The following TP53BP1 variants were observed in gnomAD, a reference collection of about 807,000 sequenced individuals.
The protein encoded by TP53BP1 is TP53-binding protein 1.
Under a neutral mutation model 200.8 loss-of-function variants are expected in TP53BP1, and 61 were observed. The ratio of observed to expected loss-of-function variants is 0.30; its 90% CI spans 0.25 to 0.38. The LOEUF is 0.38. Among genes scored for constraint, TP53BP1 ranks in the 10% least tolerant of loss-of-function variants. The pLI is 1.00. For synonymous variants in TP53BP1, 822 were observed against 844.3 expected (o/e 0.97, Z 0.46); for missense variants, 2,144 against 2,371.9 (o/e 0.90, Z 2.00).
intron 1 of TP53BP1, among the ~76,000 whole-genome samples, chr15:43,509,743 T>C (rs934617946): frequency 5.9e-5 from 9 of 152,028 alleles, no homozygotes; most frequent in Non-Finnish European, 1.3e-4. Context: ...CACTGCCCAA[T>C]CAGAACGTGG....
chr15:43,506,485 A>G (rs975450939), intron 1 of TP53BP1, among the ~76,000 whole-genome samples: 3 of 152,216 alleles, frequency 2.0e-5, no homozygotes, highest in African/African-American at 7.2e-5. Flanking sequence ...AACCAAGGAA[A>G]CAGCCTATAA....
Position 43,407,590 on chromosome 15 carries a change from G to T in TP53BP1, c.5747-20C>A. The T allele has an allele frequency of 1.3e-6, 2 of 1,598,348 alleles. No homozygotes were observed. Among genetic ancestry groups the T allele is most frequent in the Non-Finnish European group, 1.7e-6 (2 of 1,170,098 alleles). ...CAATATCTGCAAGGAGCAAGGGAAA[G>T]TGAAGAAGGAAAGGACACTCAACTT... On this transcript the variant is annotated intron_variant, in intron 27 of 27. Coordinates refer to ENST00000382044, the MANE Select transcript of TP53BP1 (RefSeq NM_001141980.3).
chr15:43,477,722 C>A lies in TP53BP1; in HGVS notation c.826G>T (p.Ala276Ser), dbSNP rs752763792. 29 of 1,611,922 alleles carry A rather than the reference C, an allele frequency of 1.8e-5. No individual in the cohort carries two copies. Among genetic ancestry groups the A allele is most frequent in the Non-Finnish European group, 2.5e-5 (29 of 1,179,250 alleles). Residue 276 changes from alanine (A) to serine (S), a missense_variant, in exon 8 of 28, where the codon GCT becomes TCT. Coordinates refer to ENST00000382044, the MANE Select transcript of TP53BP1 (RefSeq NM_001141980.3). ...AACTGTTCTTTTGCTTCCATAGCAG[C>A]AACAGATGCTTTGGGGCTAAAAGGC... is the stretch of plus-strand genomic sequence containing the variant. ...DMPFSPKASV[A>S]AMEAKEQLSA... is the part of the protein sequence containing the mutation.
upstream of TP53BP1, among the ~76,000 whole-genome samples, chr15:43,494,764 A>T (rs2079170705): frequency 2.0e-5 from 3 of 152,178 alleles, no homozygotes; most frequent in South Asian, 6.2e-4. Flanking sequence ...GTAAATCATG[A>T]CCTTGAGTCC....
chr15:43,441,607 G>C, intron 14 of TP53BP1, 24 bp from the exon 15 acceptor site: 1 of 1,571,516 alleles, frequency 6.4e-7, no homozygotes, highest in Non-Finnish European at 8.8e-7. Context: ...AAACCAAGGA[G>C]AGAAAGGAAA....
intron 20 of TP53BP1, 26 bp from the exon 21 acceptor site, chr15:43,420,761 A>C (rs763765533): frequency 1.3e-6 from 2 of 1,589,846 alleles, no homozygotes; most frequent in Non-Finnish European, 1.7e-6. Flanking sequence ...GGATAGGAGA[A>C]GCCGGTGAGA....
intron 16 of TP53BP1, among the ~76,000 whole-genome samples, chr15:43,433,670 A>G (rs1026431160): frequency 1.3e-5 from 2 of 152,254 alleles, no homozygotes; most frequent in African/African-American, 4.8e-5. Context: ...TAGCCAGAAT[A>G]AAAATAAAAG....
intron 12 of TP53BP1, among the ~76,000 whole-genome samples, chr15:43,452,077 G>T (rs2046183011): frequency 6.6e-6 from 1 of 152,254 alleles, no homozygotes; most frequent in Non-Finnish European, 1.5e-5. Flanking sequence ...GGAGGTTGCA[G>T]TGAGCCGAGA....
intron 4 of TP53BP1, among the ~76,000 whole-genome samples, chr15:43,488,975 A>G (rs1307566209): frequency 6.6e-6 from 1 of 152,216 alleles, no homozygotes; most frequent in African/African-American, 2.4e-5. Flanking sequence ...CTATGCACAC[A>G]CAGTTCATTC....
Position 43,475,625 on chromosome 15 carries a change from G to T in TP53BP1, c.1025C>A (p.Thr342Asn), listed in dbSNP as rs1432711226. The T allele has an allele frequency of 6.2e-7, 1 of 1,614,092 alleles. No individual in the cohort carries two copies. Among genetic ancestry groups the T allele is most frequent in the Non-Finnish European group, 8.5e-7 (1 of 1,180,028 alleles). ...AGAGAGCTGCAGGAGATGCAGAGTG[G>T]TGGCAGGAGTGGAAGCCAAAGAACA... ...GGCSLASTPA[T>N]TLHLLQLSGQ... The change falls in exon 9 of 28, where the codon ACC (threonine) becomes AAC (asparagine). Residue 342 changes from threonine to asparagine, a missense_variant. By Grantham distance (65) the Thr-to-Asn change is moderately conservative (BLOSUM62 0). Coordinates refer to ENST00000382044, the MANE Select transcript of TP53BP1 (RefSeq NM_001141980.3).
chr15:43,435,855 C>T (rs1306188833), intron 16 of TP53BP1, among the ~76,000 whole-genome samples: 1 of 152,058 alleles, frequency 6.6e-6, no homozygotes, highest in Non-Finnish European at 1.5e-5. Context: ...ACGACCCTGC[C>T]TGGCTAATTT....
At chr15:43,484,819 T>C (rs975809318) in intron 4 of TP53BP1, among the ~76,000 whole-genome samples, 1 of 151,922 alleles carries the variant, frequency 6.6e-6, no homozygotes, top group Non-Finnish European at 1.5e-5. Context: ...GAAGCAATCA[T>C]GGCTCACTGC....
intron 8 of TP53BP1, among the ~76,000 whole-genome samples, chr15:43,476,945 A>G (rs2078891442): frequency 1.3e-5 from 2 of 152,238 alleles, no homozygotes; most frequent in African/African-American, 4.8e-5. Context: ...TGTTACCCAG[A>G]TGAATATGAA....
chr15:43,501,078 TAAAAC>T (rs2079207079), intron 1 of TP53BP1, among the ~76,000 whole-genome samples: 1 of 152,202 alleles, frequency 6.6e-6, no homozygotes, highest in African/African-American at 2.4e-5. Context: ...TAAAATCACT[TAAAAC>T]AATACTACCA....
intron 5 of TP53BP1, among the ~76,000 whole-genome samples, chr15:43,480,366 T>C (rs2078946121): frequency 6.6e-6 from 1 of 152,062 alleles, no homozygotes; most frequent in Non-Finnish European, 1.5e-5. Context: ...AAGAATGGCT[T>C]GAACCCAGGA....
At chr15:43,451,662 T>TA (rs2083742528) in intron 12 of TP53BP1, among the ~76,000 whole-genome samples, 1 of 152,216 alleles carries the variant, frequency 6.6e-6, no homozygotes, top group Non-Finnish European at 1.5e-5. Flanking sequence ...CATGTGTTTT[T>TA]ATAGCAGCAT....
At position 43,404,984 on chromosome 15, in the gene TP53BP1, G is replaced by T. The variant is rs935883095; in HGVS notation, c.*2399C>A. 4.8e-5 allele frequency: 27 copies of T among 567,910 alleles called. No homozygotes were observed. The African/African-American group carries it at 5.0e-4, about 10-fold the overall frequency. 35.2% of individuals were successfully genotyped at this position (567,910 alleles called of 1,614,324 possible). A position where few individuals can be genotyped will look rare whatever the true frequency, so the allele number is the denominator to read the frequency against. The stretch of plus-strand genomic sequence containing the variant: ...ATTCAGTGGTAGCTGGCTTCCCAGA[G>T]GTCTGTCATTCCCATTCAGAAAATC... On this transcript the variant is annotated 3_prime_UTR_variant, in exon 28 of 28. Coordinates refer to ENST00000382044, the MANE Select transcript of TP53BP1 (RefSeq NM_001141980.3).
intron 8 of TP53BP1, 29 bp downstream of exon 8, chr15:43,477,564 G>C (rs929036594): frequency 1.3e-6 from 2 of 1,578,128 alleles, no homozygotes; most frequent in African/African-American, 1.4e-5. Context: ...CTTTGGAGAA[G>C]AGCTGTAACG....
chr15:43,486,071 A>C (rs1323752937), intron 4 of TP53BP1, among the ~76,000 whole-genome samples: 3 of 152,092 alleles, frequency 2.0e-5, no homozygotes, highest in Admixed American at 6.6e-5. Flanking sequence ...GAGAGGGTGA[A>C]AACAAACAAA....
Sources: allele counts gnomAD v4.1 joint callset (sites outside exome capture counted in the v4.1 genomes callset), GRCh38; gene constraint gnomAD v4.1.1; transcripts MANE v1.5; gene names NCBI Gene and HGNC (gene_info 2026-07-23, HGNC 2026-07-21).